The following ZFAND3 variants were observed in gnomAD, a reference collection of about 807,000 sequenced individuals.
The protein encoded by ZFAND3 is AN1-type zinc finger protein 3.
In ZFAND3, 10 loss-of-function variants were observed where a neutral mutation model predicts 29.6. The observed-to-expected ratio is 0.34, with a 90% CI of 0.21 to 0.57. The LOEUF is 0.57. Ranked by LOEUF, ZFAND3 falls within the 20% of genes least tolerant of loss-of-function variation. The pLI is 0.86. For missense variants in ZFAND3, 230 were observed against 304.5 expected (o/e 0.76, Z 1.82); for synonymous variants, 128 against 112.6 (o/e 1.14, Z -0.87).
chr6:38,035,243 CAT>C (rs1290004371), intron 2 of ZFAND3, among the ~76,000 whole-genome samples: 1 of 152,162 alleles, frequency 6.6e-6, no homozygotes. Flanking sequence ...AATATCTTCA[CAT>C]GTGACATCCC....
At chr6:38,041,344 T>A (rs1763755474) in intron 2 of ZFAND3, among the ~76,000 whole-genome samples, 1 of 152,148 alleles carries the variant, frequency 6.6e-6, no homozygotes, top group Non-Finnish European at 1.5e-5. Context: ...TTCATGGAAA[T>A]TTCACTTACT....
intron 2 of ZFAND3, among the ~76,000 whole-genome samples, chr6:38,000,316 A>C (rs1330151046): frequency 6.6e-6 from 1 of 152,230 alleles, no homozygotes; most frequent in Non-Finnish European, 1.5e-5. Flanking sequence ...CATGCCCTCC[A>C]AACAAATTTG....
At chr6:37,941,291 C>T (rs72850831) in intron 2 of ZFAND3, among the ~76,000 whole-genome samples, 10,055 of 152,224 alleles carry the variant, frequency 0.066, 414 homozygotes, top group Non-Finnish European at 0.095. Flanking sequence ...ATAGATTAGT[C>T]GGGATTGTAC....
intron 1 of ZFAND3, among the ~76,000 whole-genome samples, chr6:37,914,011 T>A (rs1761183028): frequency 6.6e-6 from 1 of 152,092 alleles, no homozygotes; most frequent in South Asian, 2.1e-4. Flanking sequence ...AGGTGTGAGT[T>A]ACTGCACCTG....
At position 37,989,504 on chromosome 6, in the gene ZFAND3, C is replaced by T. The variant is rs535071892; in HGVS notation, c.112+59505C>T. 6.6e-5 allele frequency among the ~76,000 whole-genome samples: 10 copies of T among 152,236 alleles called. No individual in the cohort carries two copies. In the South Asian group the frequency reaches 8.3e-4, roughly 13 times the overall value. On this transcript the variant is annotated intron_variant, in intron 2 of 5. Coordinates refer to ENST00000287218, the MANE Select transcript of ZFAND3 (RefSeq NM_021943.3). The stretch of plus-strand genomic sequence containing the variant: ...TTTTTATAAGGGCACTGATCCCATT[C>T]GTAAGAACTCTACCTTCATGACCTA...
At position 38,152,627 on chromosome 6, in the gene ZFAND3, ATT is replaced by A. The variant is rs139133392; in HGVS notation, c.*247_*248del. On this transcript the variant is annotated 3_prime_UTR_variant, in exon 6 of 6. Coordinates refer to ENST00000287218, the MANE Select transcript of ZFAND3 (RefSeq NM_021943.3). ...TGTATAAAATTAAAACATGAAGAATATTTTTTTTTTGAGCATGGCTAGTGGAT... is the reference window on the plus strand; with the variant it reads ...TGTATAAAATTAAAACATGAAGAATATTTTTTTTGAGCATGGCTAGTGGAT... 0.091 allele frequency: 106,547 copies of A among 1,172,282 alleles called. 5,108 individuals are homozygous for A. Among genetic ancestry groups the A allele is most frequent in the Middle Eastern group, 0.1 (308 of 3,042 alleles). The allele number at this position is 1,172,282 out of a possible 1,614,324, so 72.6% of individuals were successfully genotyped here.
At chr6:37,927,425 C>T (rs1042268504) in intron 1 of ZFAND3, among the ~76,000 whole-genome samples, 28 of 152,182 alleles carry the variant, frequency 1.8e-4, no homozygotes, top group African/African-American at 6.3e-4. Context: ...GCAGGGAATT[C>T]TGGCCCCTTC....
intron 2 of ZFAND3, among the ~76,000 whole-genome samples, chr6:37,948,743 A>G (rs1240658795): frequency 6.6e-6 from 1 of 152,182 alleles, no homozygotes; most frequent in Non-Finnish European, 1.5e-5. Context: ...TTTGCTAAGG[A>G]TGACTTCCAG....
intron 4 of ZFAND3, among the ~76,000 whole-genome samples, chr6:38,113,513 T>C (rs1425026165): frequency 6.6e-6 from 1 of 152,200 alleles, no homozygotes; most frequent in Non-Finnish European, 1.5e-5. Flanking sequence ...TTAGTGTTGC[T>C]ATTGAATGCC....
At chr6:37,919,546 A>G (rs1761334027) in intron 1 of ZFAND3, among the ~76,000 whole-genome samples, 1 of 152,032 alleles carries the variant, frequency 6.6e-6, no homozygotes, top group Non-Finnish European at 1.5e-5. Context: ...GTTGTTTGAG[A>G]TAAAGCACTT....
chr6:37,993,648 G>GT (rs1561959146), intron 2 of ZFAND3, among the ~76,000 whole-genome samples: 1 of 152,050 alleles, frequency 6.6e-6, no homozygotes. Flanking sequence ...TAAAGAGACT[G>GT]TTTTTCTCCA....
intron 3 of ZFAND3, among the ~76,000 whole-genome samples, chr6:38,065,818 G>C (rs1016477234): frequency 3.3e-5 from 5 of 152,230 alleles, no homozygotes; most frequent in Non-Finnish European, 5.9e-5. Context: ...GTGATCATAA[G>C]AGGGATTACC....
chr6:38,048,621 C>A (rs868455117), intron 2 of ZFAND3, among the ~76,000 whole-genome samples: 101 of 56,260 alleles, frequency 1.8e-3, no homozygotes, highest in South Asian at 2.1e-3. Context: ...GACTCCGTCT[C>A]AAAAAAAAAA....
chr6:37,840,022 C>G lies in ZFAND3; in HGVS notation c.71+20006C>G, dbSNP rs75942913. 0.017 allele frequency among the ~76,000 whole-genome samples: 2,588 copies of G among 152,062 alleles called. 254 individuals carry two copies. The East Asian group carries it at 0.28, about 16-fold the overall frequency. ...ATATCTGAGAAAACTTTACCTAATT[C>G]AAGGTCACAAATATTTACACTATGT... is the stretch of plus-strand genomic sequence containing the variant. On this transcript the variant is annotated intron_variant, in intron 1 of 5. Coordinates refer to ENST00000287218, the MANE Select transcript of ZFAND3 (RefSeq NM_021943.3).
chr6:37,999,074 A>G lies in ZFAND3; in HGVS notation c.113-62519A>G, dbSNP rs570328441. Among the ~76,000 whole-genome samples, 3 of 152,310 alleles carry G rather than the reference A, an allele frequency of 2.0e-5. No homozygotes were observed. The South Asian group carries it at 6.2e-4, about 32-fold the overall frequency. Reference sequence around the variant, plus strand: ...GTTCTAGGACTGGAGTAGGAAATATATAAATTGAGCTTTGAACATATTATA... The same window carrying G: ...GTTCTAGGACTGGAGTAGGAAATATGTAAATTGAGCTTTGAACATATTATA... On this transcript the variant is annotated intron_variant, in intron 2 of 5. Coordinates refer to ENST00000287218, the MANE Select transcript of ZFAND3 (RefSeq NM_021943.3).
chr6:38,128,235 G>A (rs1304584257), intron 5 of ZFAND3, among the ~76,000 whole-genome samples: 6 of 152,158 alleles, frequency 3.9e-5, no homozygotes, highest in Non-Finnish European at 8.8e-5. Context: ...CCTTTAATGT[G>A]TAGTTAAAAC....
In ZFAND3 at chr6:37,837,769, G is replaced by A. The variant is rs1017902099; in HGVS notation, c.71+17753G>A. Reference sequence around the variant, plus strand: ...GATCCGCCCACCTCAGCCTCCCAAAGTGCTGGGATTACAGGCATGAGCCAT... The same window carrying A: ...GATCCGCCCACCTCAGCCTCCCAAAATGCTGGGATTACAGGCATGAGCCAT... On this transcript the variant is annotated intron_variant, in intron 1 of 5. Coordinates refer to ENST00000287218, the MANE Select transcript of ZFAND3 (RefSeq NM_021943.3). Among the ~76,000 whole-genome samples the A allele has an allele frequency of 4.6e-5, 7 of 152,198 alleles. No individual in the cohort carries two copies. In the East Asian group the frequency reaches 1.3e-3, roughly 29 times the overall value.
intron 2 of ZFAND3, among the ~76,000 whole-genome samples, chr6:38,058,894 C>G (rs534645295): frequency 6.6e-6 from 1 of 152,232 alleles, no homozygotes; most frequent in African/African-American, 2.4e-5. Flanking sequence ...GTGCCTGGCA[C>G]ATAATAAACG....
At chr6:37,823,483 C>T (rs1763703667) in intron 1 of ZFAND3, among the ~76,000 whole-genome samples, 1 of 152,074 alleles carries the variant, frequency 6.6e-6, no homozygotes, top group South Asian at 2.1e-4. Flanking sequence ...GACTTGCTGC[C>T]CAGCATTGCC....
Sources: gnomAD v4.1 joint callset for allele counts (sites outside exome capture counted in the v4.1 genomes callset) on GRCh38, gnomAD v4.1.1 for gene constraint, MANE v1.5 for transcripts, NCBI Gene and HGNC (gene_info 2026-07-23, HGNC 2026-07-21) for gene names.